The following PPARA variants were observed in gnomAD, a reference collection of about 807,000 sequenced individuals.
PPARA encodes the protein peroxisome proliferator-activated receptor alpha.
PPARA carries 22 observed loss-of-function variants against 42.2 expected under a neutral mutation model. The observed-to-expected ratio is 0.52, with a 90% CI of 0.37 to 0.74. PPARA has a LOEUF of 0.74. Among genes scored for constraint, PPARA ranks in the 30% least tolerant of loss-of-function variants. PPARA has a pLI of 0.00. For synonymous variants in PPARA, 242 were observed against 239.3 expected, an observed-to-expected ratio of 1.01 and a Z score of -0.10; for missense variants, 465 against 608.2, an observed-to-expected ratio of 0.76 and a Z score of 2.48.
chr22:46,218,233 C>T, intron 5 of PPARA, 30 bp from the exon 6 acceptor site: 1 of 1,613,766 alleles, frequency 6.2e-7, no homozygotes, highest in Non-Finnish European at 8.5e-7. Flanking sequence ...TGGCCCAGGT[C>T]TTTAAATCCA....
chr22:46,166,650 C>T (rs1218225541), intron 2 of PPARA, among the ~76,000 whole-genome samples: 1 of 150,388 alleles, frequency 6.6e-6, no homozygotes, highest in East Asian at 1.9e-4. Context: ...AGTAATCAAG[C>T]ATGAAAATTA....
chr22:46,205,769 A>G (rs981864451), intron 4 of PPARA, among the ~76,000 whole-genome samples: 4 of 151,172 alleles, frequency 2.6e-5, no homozygotes, highest in South Asian at 2.1e-4. Flanking sequence ...TGTTTAAAAC[A>G]TTTAGGTGCA....
chr22:46,200,591 T>C lies in PPARA; in HGVS notation c.208+2000T>C, dbSNP rs996410869. Among the ~76,000 whole-genome samples, 1 of 152,252 alleles carries C rather than the reference T, an allele frequency of 6.6e-6. No homozygotes were observed. Among genetic ancestry groups the C allele is most frequent in the African/African-American group, 2.4e-5 (1 of 41,462 alleles). On this transcript the variant is annotated intron_variant, in intron 4 of 8. Coordinates refer to ENST00000407236, the MANE Select transcript of PPARA (RefSeq NM_005036.6). This position sits in a 1 kb window ranked among gnomAD's most constrained non-coding sequence, Gnocchi z 4.8. ...TGTTGACCAAAATGTCACTGTGCAGTGTGTGACTATACAGAAATAAGCTCA... is the reference window on the plus strand; with the variant it reads ...TGTTGACCAAAATGTCACTGTGCAGCGTGTGACTATACAGAAATAAGCTCA...
chr22:46,199,883 G>T (rs1041632169), intron 4 of PPARA, among the ~76,000 whole-genome samples: 1 of 151,830 alleles, frequency 6.6e-6, no homozygotes. Context: ...TCACCATGCC[G>T]GGCTAATTTT....
rs1297557786 is a variant in PPARA at position 46,219,046 on chromosome 22, C to G, written c.508+645C>G. ...GCATGGTAGTGCACACCTGTAATCC[C>G]AGCTACTTGGGAGGATGAGACAGGA... On this transcript the variant is annotated intron_variant, in intron 6 of 8. Transcript: ENST00000407236. This position sits in a 1 kb window ranked among gnomAD's most constrained non-coding sequence, Gnocchi z 4.8. 6.7e-6 allele frequency among the ~76,000 whole-genome samples: 1 copy of G among 150,148 alleles called. No homozygotes were observed. Among genetic ancestry groups the G allele is most frequent in the Non-Finnish European group, 1.5e-5 (1 of 67,752 alleles).
In PPARA at chr22:46,221,538, G is replaced by A. The variant is rs1474090491; in HGVS notation, c.711+1524G>A. Among the ~76,000 whole-genome samples the A allele has an allele frequency of 2.6e-5, 4 of 152,190 alleles. No individual in the cohort carries two copies. Among genetic ancestry groups the A allele is most frequent in the East Asian group, 1.9e-4 (1 of 5,190 alleles). On this transcript the variant is annotated intron_variant, in intron 7 of 8. Transcript: ENST00000407236. This position sits in a 1 kb window ranked among gnomAD's most constrained non-coding sequence, Gnocchi z 5.9. ...TTGTAAGCCAGGCGTGGTGGCTCAC[G>A]CCTGTCATCCCAGCACTTTGGGAGG...
intron 6 of PPARA, among the ~76,000 whole-genome samples, chr22:46,218,910 C>A (rs541650016): frequency 2.0e-3 from 296 of 150,970 alleles, no homozygotes; most frequent in Admixed American, 3.8e-3. Flanking sequence ...CACCTGTAAT[C>A]CCAGCACTTT....
At position 46,222,087 on chromosome 22, in the gene PPARA, AGAAAG is replaced by A. The variant is rs1364134527; in HGVS notation, c.711+2078_711+2082del. 2.0e-5 allele frequency among the ~76,000 whole-genome samples: 3 copies of A among 151,616 alleles called. No individual in the cohort carries two copies. Among genetic ancestry groups the A allele is most frequent in the Middle Eastern group, 3.4e-3 (1 of 294 alleles). On this transcript the variant is annotated intron_variant, in intron 7 of 8. Coordinates refer to ENST00000407236, the MANE Select transcript of PPARA (RefSeq NM_005036.6). The surrounding 1 kb of genome is among the most constrained non-coding windows in gnomAD (Gnocchi z 5.9). ...GTGAGACTCTGTCTCAAAAAAAAAA[AGAAAG>A]GAAAAGAAAGGACCACTTGTTATAG... is the stretch of plus-strand genomic sequence containing the variant.
intron 3 of PPARA, among the ~76,000 whole-genome samples, chr22:46,185,115 C>T (rs1212349846): frequency 6.6e-6 from 1 of 152,148 alleles, no homozygotes; most frequent in Non-Finnish European, 1.5e-5. Flanking sequence ...GCTTCCTGCT[C>T]TTCGGAGCTC....
In PPARA at chr22:46,237,156, A is replaced by C. The variant is rs1936243084; in HGVS notation, c.*1776A>C. The stretch of plus-strand genomic sequence containing the variant: ...CTCTTCTGAGGTCATTATTATTTTA[A>C]GAATGATTAGGATTGATAAGGGTCC... On this transcript the variant is annotated 3_prime_UTR_variant, in exon 9 of 9. Coordinates refer to ENST00000407236, the MANE Select transcript of PPARA (RefSeq NM_005036.6). The surrounding 1 kb of genome is among the most constrained non-coding windows in gnomAD (Gnocchi z 6.7). The C allele has an allele frequency of 1.3e-5, 2 of 152,182 alleles. No homozygotes were observed. Among genetic ancestry groups the C allele is most frequent in the Admixed American group, 1.3e-4 (2 of 15,274 alleles). The allele number at this position is 152,182 out of a possible 1,614,324, so 9.4% of individuals were successfully genotyped here. A position where few individuals can be genotyped will look rare whatever the true frequency, so the allele number is the denominator to read the frequency against.
chr22:46,201,360 T>C (rs894158550), intron 4 of PPARA, among the ~76,000 whole-genome samples: 3 of 151,970 alleles, frequency 2.0e-5, no homozygotes, highest in Non-Finnish European at 4.4e-5. Context: ...GCTTTGGGAG[T>C]GACCCTGACA....
chr22:46,185,814 G>A (rs1794167408), intron 3 of PPARA, among the ~76,000 whole-genome samples: 1 of 141,532 alleles, frequency 7.1e-6, no homozygotes, highest in African/African-American at 2.6e-5. Flanking sequence ...AGAATCACTT[G>A]AACCCAGGAG....
chr22:46,177,993 C>A (rs1601659086), intron 3 of PPARA, among the ~76,000 whole-genome samples: 1 of 151,972 alleles, frequency 6.6e-6, no homozygotes, highest in Admixed American at 6.6e-5. Flanking sequence ...CAGGTTTATA[C>A]CCAGGGAGGT....
At position 46,225,876 on chromosome 22, in the gene PPARA, TAC is replaced by T. The variant is rs1272036513; in HGVS notation, c.711+5865_711+5866del. On this transcript the variant is annotated intron_variant, in intron 7 of 8. Transcript: ENST00000407236. The surrounding 1 kb of genome is among the most constrained non-coding windows in gnomAD (Gnocchi z 4.1). ...ACACACACATGCACCCACACATGGA[TAC>T]ACGCACACTCACACATGTACCCACA... 4.8e-5 allele frequency among the ~76,000 whole-genome samples: 7 copies of T among 144,454 alleles called. No homozygotes were observed. Among genetic ancestry groups the T allele is most frequent in the African/African-American group, 1.8e-4 (7 of 38,612 alleles). 94.8% of individuals were successfully genotyped at this position (144,454 alleles called of 152,430 possible). A position where few individuals can be genotyped will look rare whatever the true frequency, so the allele number is the denominator to read the frequency against.
At chr22:46,169,359 G>A (rs534818832) in intron 2 of PPARA, among the ~76,000 whole-genome samples, 24 of 151,868 alleles carry the variant, frequency 1.6e-4, no homozygotes, top group African/African-American at 4.8e-4. Context: ...TTCAGCCTCC[G>A]GAGTAGCTGG....
chr22:46,239,993 A>G lies in PPARA; in HGVS notation c.*4613A>G. On this transcript the variant is annotated 3_prime_UTR_variant, in exon 9 of 9. Coordinates refer to ENST00000407236, the MANE Select transcript of PPARA (RefSeq NM_005036.6). ...TCTCACTGAACTCCAGTTTTAAAAT[A>G]GATTCATTGCTTCAACACAGCAAGC... 1 of 396,138 alleles carries G rather than the reference A, an allele frequency of 2.5e-6. No homozygotes were observed. Among genetic ancestry groups the G allele is most frequent in the Non-Finnish European group, 4.4e-6 (1 of 225,154 alleles). 24.5% of individuals were successfully genotyped at this position (396,138 alleles called of 1,614,324 possible).
chr22:46,215,437 G>C, intron 5 of PPARA, 104 bp downstream of exon 5: 1 of 1,497,624 alleles, frequency 6.7e-7, no homozygotes, highest in Non-Finnish European at 9.2e-7. Flanking sequence ...AGAAAGTCCC[G>C]GATAAGAAAC....
rs143160514 is a variant in PPARA, at chr22:46,212,222, A to C, written c.209-2951A>C. On this transcript the variant is annotated intron_variant, in intron 4 of 8. Coordinates refer to ENST00000407236, the MANE Select transcript of PPARA (RefSeq NM_005036.6). This position sits in a 1 kb window ranked among gnomAD's most constrained non-coding sequence, Gnocchi z 4.2. Reference sequence around the variant, plus strand: ...CAGGTGCACACCGCTGAGCCCAGCAAATTTTTGTATTTTTTGTAAAGATAG... The same window carrying C: ...CAGGTGCACACCGCTGAGCCCAGCACATTTTTGTATTTTTTGTAAAGATAG... Among the ~76,000 whole-genome samples, 62 of 151,528 alleles carry C rather than the reference A, an allele frequency of 4.1e-4. No homozygotes were observed. Among genetic ancestry groups the C allele is most frequent in the Admixed American group, 1.4e-3 (21 of 15,202 alleles).
chr22:46,240,315 G>C lies in PPARA; in HGVS notation c.*4935G>C. The C allele has an allele frequency of 2.5e-6, 1 of 398,618 alleles. No homozygotes were observed. The highest frequency in any genetic ancestry group is 4.4e-6 in the Non-Finnish European group (1 of 226,094). The allele number at this position is 398,618 out of a possible 1,614,324, so 24.7% of individuals were successfully genotyped here. A position where few individuals can be genotyped will look rare whatever the true frequency, so the allele number is the denominator to read the frequency against. ...AGCCTCCAGATGTAGGGCCTGCTGGGTGTTGCTAGCCGCTGGTCCCCAGGC... is the reference window on the plus strand; with the variant it reads ...AGCCTCCAGATGTAGGGCCTGCTGGCTGTTGCTAGCCGCTGGTCCCCAGGC... On this transcript the variant is annotated 3_prime_UTR_variant, in exon 9 of 9. Coordinates refer to ENST00000407236, the MANE Select transcript of PPARA (RefSeq NM_005036.6). The surrounding 1 kb of genome is among the most constrained non-coding windows in gnomAD (Gnocchi z 6.0).
Sources: allele counts gnomAD v4.1 joint callset (sites outside exome capture counted in the v4.1 genomes callset), GRCh38; gene constraint gnomAD v4.1.1; non-coding constraint Gnocchi (gnomAD v3.1); transcripts MANE v1.5; gene names NCBI Gene and HGNC (gene_info 2026-07-23, HGNC 2026-07-21).